The following KIAA1549L variants were observed in gnomAD, a reference collection of about 807,000 sequenced individuals.
KIAA1549L encodes the protein KIAA1549 like, also known as UPF0606 protein KIAA1549L.
In KIAA1549L, 88 loss-of-function variants were observed where a neutral mutation model predicts 160.7. The observed-to-expected ratio is 0.55, with a 90% CI of 0.46 to 0.65. The LOEUF (loss-of-function observed/expected upper bound fraction) is 0.65, where lower values mean the gene tolerates loss of function less well. Ranked by LOEUF, KIAA1549L falls within the 30% of genes least tolerant of loss-of-function variation. The pLI is 0.00. For synonymous variants in KIAA1549L, 950 were observed against 976.7 expected, an observed-to-expected ratio of 0.97 and a Z score of 0.51; for missense variants, 2,258 against 2,437.5, an observed-to-expected ratio of 0.93 and a Z score of 1.55.
At chr11:33,457,509 G>T (rs186035164) in intron 1 of KIAA1549L, among the ~76,000 whole-genome samples, 1 of 152,294 alleles carries the variant, frequency 6.6e-6, no homozygotes, top group Admixed American at 6.5e-5. Context: ...CTTGACTCCC[G>T]CATCCTAGGT....
chr11:33,388,785 C>G (rs1268531706), intron 1 of KIAA1549L, among the ~76,000 whole-genome samples: 1 of 152,170 alleles, frequency 6.6e-6, no homozygotes, highest in Non-Finnish European at 1.5e-5. Flanking sequence ...CGGTTCTGCC[C>G]ATTTTCCTTT....
At chr11:33,584,811 T>G (rs560032524) in intron 11 of KIAA1549L, among the ~76,000 whole-genome samples, 1 of 152,192 alleles carries the variant, frequency 6.6e-6, no homozygotes, top group Admixed American at 6.5e-5. Context: ...ATTATACACC[T>G]ACCTGAACCC....
intron 10 of KIAA1549L, among the ~76,000 whole-genome samples, chr11:33,579,581 C>A (rs117312077): frequency 6.6e-6 from 1 of 152,258 alleles, no homozygotes; most frequent in East Asian, 1.9e-4. Context: ...TTAACAGGTG[C>A]CCCAGGACTG....
chr11:33,520,737 A>ACACACC (rs1590306716), intron 1 of KIAA1549L, among the ~76,000 whole-genome samples: 1 of 90,684 alleles, frequency 1.1e-5, no homozygotes, highest in African/African-American at 4.7e-5. Flanking sequence ...ACACACACAC[A>ACACACC]CACTCCCTCT....
In KIAA1549L at chr11:33,400,421, T is replaced by C. The variant is rs76946385; in HGVS notation, c.238+23532T>C. ...GGTTACAATGGGAATGGACTGCTGG[T>C]GTCCCTAATGGTAAGAACTTGTCTG... is the stretch of plus-strand genomic sequence containing the variant. On this transcript the variant is annotated intron_variant, in intron 1 of 20. Coordinates refer to ENST00000658780, the MANE Select transcript of KIAA1549L (RefSeq NM_012194.3). Among the ~76,000 whole-genome samples, 845 of 152,292 alleles carry C rather than the reference T, an allele frequency of 5.5e-3. 12 individuals carry two copies. Among genetic ancestry groups the C allele is most frequent in the African/African-American group, 0.02 (819 of 41,574 alleles).
At chr11:33,433,136 A>G (rs1473476772) in intron 1 of KIAA1549L, among the ~76,000 whole-genome samples, 1 of 152,242 alleles carries the variant, frequency 6.6e-6, no homozygotes, top group Non-Finnish European at 1.5e-5. Flanking sequence ...TCATCTGATC[A>G]TCAGAGTGAA....
chr11:33,432,519 T>A (rs1851270609), intron 1 of KIAA1549L, among the ~76,000 whole-genome samples: 1 of 152,212 alleles, frequency 6.6e-6, no homozygotes, highest in Non-Finnish European at 1.5e-5. Context: ...GGCATGATGA[T>A]AATTTTGTCC....
At chr11:33,551,295 C>T in intron 5 of KIAA1549L, 36 bp downstream of exon 5, 1 of 1,577,860 alleles carries the variant, frequency 6.3e-7, no homozygotes, top group Non-Finnish European at 8.7e-7. Context: ...TTCATCCATT[C>T]TTGGGTTCAG....
intron 1 of KIAA1549L, among the ~76,000 whole-genome samples, chr11:33,392,192 G>C (rs1850283946): frequency 6.6e-6 from 1 of 152,206 alleles, no homozygotes; most frequent in Admixed American, 6.5e-5. Flanking sequence ...CAGTTATACA[G>C]TGCAGTCCTT....
At chr11:33,552,703 C>T (rs1025746284) in intron 6 of KIAA1549L, among the ~76,000 whole-genome samples, 1 of 61,760 alleles carries the variant, frequency 1.6e-5, no homozygotes, top group Non-Finnish European at 3.2e-5. Context: ...CACACACACA[C>T]ATGCGTTTTA....
chr11:33,425,649 C>T (rs564622298), intron 1 of KIAA1549L, among the ~76,000 whole-genome samples: 5 of 152,230 alleles, frequency 3.3e-5, no homozygotes, highest in East Asian at 3.9e-4. Flanking sequence ...ACTTGCTGTA[C>T]GTAGATGAAA....
At chr11:33,448,213 A>G (rs1429651920) in intron 1 of KIAA1549L, among the ~76,000 whole-genome samples, 2 of 152,170 alleles carry the variant, frequency 1.3e-5, no homozygotes, top group East Asian at 1.9e-4. Context: ...CCCCACATGC[A>G]TTAGGTATTT....
At position 33,545,326 on chromosome 11, in the gene KIAA1549L, A is replaced by T. The variant is rs1156403698; in HGVS notation, c.3333A>T (p.Lys1111Asn). ...CGGCTGCAGTGGTCACGACTGGCAA[A>T]ATGGCATCCAACCTGGAGTGTCAGA... ...AASAAVVTTG[K>N]MASNLECQMS... Residue 1111 changes from lysine to asparagine, a missense_variant, in exon 3 of 21, where the codon AAA becomes AAT. Coordinates refer to ENST00000658780, the MANE Select transcript of KIAA1549L (RefSeq NM_012194.3). 1 of 1,613,128 alleles carries T rather than the reference A, an allele frequency of 6.2e-7. No individual in the cohort carries two copies. Among genetic ancestry groups the T allele is most frequent in the Admixed American group, 1.7e-5 (1 of 59,956 alleles).
chr11:33,501,067 C>T (rs2615938), intron 1 of KIAA1549L, among the ~76,000 whole-genome samples: 107,531 of 152,008 alleles, frequency 0.71, 38,565 homozygotes, highest in African/African-American at 0.83. Context: ...CATCACTGCC[C>T]ATCTTCTTCC....
rs199831594 is a variant in KIAA1549L at position 33,599,029 on chromosome 11, ACT to A, written c.4879+84_4879+85del. On this transcript the variant is annotated intron_variant, in intron 13 of 20. Coordinates refer to ENST00000658780, the MANE Select transcript of KIAA1549L (RefSeq NM_012194.3). ...CACATGCGTGCACACGTGTGCACAAACTCACACACAGCCACTGGGCTCTGACC... is the reference window on the plus strand; with the variant it reads ...CACATGCGTGCACACGTGTGCACAAACACACACAGCCACTGGGCTCTGACC... 3.0e-3 allele frequency: 4,426 copies of A among 1,500,310 alleles called. 39 individuals are homozygous for A. Among genetic ancestry groups the A allele is most frequent in the African/African-American group, 0.029 (2,086 of 72,214 alleles). 92.9% of individuals were successfully genotyped at this position (1,500,310 alleles called of 1,614,324 possible). A position where few individuals can be genotyped will look rare whatever the true frequency, so the allele number is the denominator to read the frequency against.
At chr11:33,409,313 A>G (rs1850739360) in intron 1 of KIAA1549L, among the ~76,000 whole-genome samples, 1 of 152,176 alleles carries the variant, frequency 6.6e-6, no homozygotes, top group Non-Finnish European at 1.5e-5. Context: ...TAGAAGGGTG[A>G]TGGTTCATAA....
intron 8 of KIAA1549L, among the ~76,000 whole-genome samples, 192 bp downstream of exon 8, chr11:33,561,927 T>C (rs2133220328): frequency 6.6e-6 from 1 of 152,304 alleles, no homozygotes; most frequent in East Asian, 1.9e-4. Context: ...TGAAGATGAA[T>C]ATTAGCTAAA....
At chr11:33,474,174 A>G (rs1276660549) in intron 1 of KIAA1549L, among the ~76,000 whole-genome samples, 3 of 151,920 alleles carry the variant, frequency 2.0e-5, no homozygotes, top group African/African-American at 7.3e-5. Flanking sequence ...TGACCAAAAC[A>G]CCTCCCACCA....
At chr11:33,641,572 GTA>G (rs10523183) in intron 16 of KIAA1549L, among the ~76,000 whole-genome samples, 19 of 96,712 alleles carry the variant, frequency 2.0e-4, no homozygotes, top group Admixed American at 3.9e-4. Context: ...TAATGGATCT[GTA>G]TATATATATA....
Sources: gnomAD v4.1 joint callset for allele counts (sites outside exome capture counted in the v4.1 genomes callset) on GRCh38, gnomAD v4.1.1 for gene constraint, MANE v1.5 for transcripts, NCBI Gene and HGNC (gene_info 2026-07-23, HGNC 2026-07-21) for gene names.